The following VANGL1 variants were observed in gnomAD, a reference collection of about 807,000 sequenced individuals.
VANGL1 encodes the protein VANGL planar cell polarity protein 1, also known as vang-like protein 1.
Under a neutral mutation model 48.4 loss-of-function variants are expected in VANGL1, and 18 were observed. That is an observed-to-expected ratio of 0.37 (90% CI 0.26 to 0.55). The LOEUF (loss-of-function observed/expected upper bound fraction) is 0.55. Ranked by LOEUF, VANGL1 falls within the 20% of genes least tolerant of loss-of-function variation. The pLI is 0.81. For missense variants in VANGL1, 667 were observed against 675.8 expected (o/e 0.99, Z 0.14); for synonymous variants, 257 against 261.8 (o/e 0.98, Z 0.18).
At chr1:115,683,628 A>T (rs187886379) in intron 5 of VANGL1, among the ~76,000 whole-genome samples, 1 of 152,304 alleles carries the variant, frequency 6.6e-6, no homozygotes, top group African/African-American at 2.4e-5. Flanking sequence ...ACAGATGGTA[A>T]CATCTTCAGC....
At chr1:115,669,716 A>G (rs957042985) in intron 4 of VANGL1, among the ~76,000 whole-genome samples, 3 of 152,184 alleles carry the variant, frequency 2.0e-5, no homozygotes, top group South Asian at 2.1e-4. Context: ...CTGTGAGTCC[A>G]TTAAACCTCT....
intron 1 of VANGL1, among the ~76,000 whole-genome samples, chr1:115,645,050 A>G (rs1651865453): frequency 6.6e-6 from 1 of 152,202 alleles, no homozygotes; most frequent in African/African-American, 2.4e-5. Context: ...TTTATAGGCC[A>G]CAAGTTCAAA....
chr1:115,663,521 T>C, intron 3 of VANGL1, 140 bp from the exon 4 acceptor site: 3 of 1,178,084 alleles, frequency 2.5e-6, no homozygotes, highest in African/African-American at 3.1e-5. Context: ...GTTCTAATAT[T>C]TAAAGAGTTA....
At chr1:115,670,714 A>G (rs1054271898) in intron 4 of VANGL1, among the ~76,000 whole-genome samples, 3 of 152,172 alleles carry the variant, frequency 2.0e-5, no homozygotes, top group African/African-American at 4.8e-5. Context: ...TTAAATGACC[A>G]TCAGTGGTTT....
intron 4 of VANGL1, among the ~76,000 whole-genome samples, chr1:115,674,263 C>T (rs1200481904): frequency 6.7e-6 from 1 of 148,898 alleles, no homozygotes; most frequent in Non-Finnish European, 1.5e-5. Flanking sequence ...CGTCCCTCTT[C>T]TCCTGGTGTA....
rs890882888 is a variant in VANGL1 at position 115,696,124 on chromosome 1, T to G, written c.*4745T>G. ...CTGGCAGCCCCCCTTTGCTTTTGCC[T>G]GGCCCCACCTTCTGCTCCCACTCTG... On this transcript the variant is annotated 3_prime_UTR_variant, in exon 8 of 8. Coordinates refer to ENST00000355485, the MANE Select transcript of VANGL1 (RefSeq NM_138959.3). 1.5e-4 allele frequency: 23 copies of G among 152,788 alleles called. No individual in the cohort carries two copies. Among genetic ancestry groups the G allele is most frequent in the African/African-American group, 5.5e-4 (23 of 41,614 alleles). The allele number at this position is 152,788 out of a possible 1,614,324, so 9.5% of individuals were successfully genotyped here.
At chr1:115,662,503 CT>C (rs1652598309) in intron 3 of VANGL1, among the ~76,000 whole-genome samples, 1 of 152,200 alleles carries the variant, frequency 6.6e-6, no homozygotes, top group Non-Finnish European at 1.5e-5. Context: ...ATTCTATCAA[CT>C]GGGTTTTGCT....
At chr1:115,688,813 G>T (rs55646107) in intron 7 of VANGL1, among the ~76,000 whole-genome samples, 1 of 125,516 alleles carries the variant, frequency 8.0e-6, no homozygotes, top group African/African-American at 3.1e-5. Context: ...TCTTTGAGAC[G>T]GAGTCTCACT....
chr1:115,663,988 G>A lies in VANGL1; in HGVS notation c.532G>A (p.Asp178Asn). ...WALFFRKRRA[D>N]MPRVFVFRAL... ...ACTTTTTTTCCGCAAGCGGAGAGCT[G>A]ACATGCCACGGGTGTTTGTGTTTCG... The change falls in exon 4 of 8, where the codon GAC becomes AAC. Residue 178 changes from aspartate (D) to asparagine (N), a missense_variant. By Grantham distance (23) the Asp-to-Asn change is conservative. Transcript: ENST00000355485. The A allele has an allele frequency of 6.2e-7, 1 of 1,614,226 alleles. No individual in the cohort carries two copies. Among genetic ancestry groups the A allele is most frequent in the Non-Finnish European group, 8.5e-7 (1 of 1,180,042 alleles).
intron 4 of VANGL1, among the ~76,000 whole-genome samples, chr1:115,672,732 T>G (rs2101016072): frequency 6.6e-6 from 1 of 152,304 alleles, no homozygotes; most frequent in African/African-American, 2.4e-5. Context: ...AATGCAGCTG[T>G]GAGACAAACA....
At chr1:115,647,413 GAT>G (rs1651980369) in intron 1 of VANGL1, among the ~76,000 whole-genome samples, 1 of 152,214 alleles carries the variant, frequency 6.6e-6, no homozygotes. Flanking sequence ...CTATCTCATA[GAT>G]ATATCATTGC....
intron 4 of VANGL1, among the ~76,000 whole-genome samples, chr1:115,671,945 C>T (rs1040835134): frequency 6.6e-6 from 1 of 152,202 alleles, no homozygotes; most frequent in Admixed American, 6.5e-5. Flanking sequence ...TCAGAACTGC[C>T]ACTGGGTCGT....
chr1:115,685,632 C>G (rs1570774393), intron 7 of VANGL1, 105 bp downstream of exon 7: 2 of 1,135,960 alleles, frequency 1.8e-6, no homozygotes, highest in East Asian at 2.6e-5. Context: ...CGAAAGGCAT[C>G]TCTAAAACTC....
chr1:115,656,637 C>G (rs1287735440), intron 2 of VANGL1, among the ~76,000 whole-genome samples: 1 of 152,180 alleles, frequency 6.6e-6, no homozygotes, highest in East Asian at 1.9e-4. Flanking sequence ...ACAGATTCTT[C>G]TCTGGTTTCC....
chr1:115,645,951 T>G (rs1476287863), intron 1 of VANGL1, among the ~76,000 whole-genome samples: 1 of 152,224 alleles, frequency 6.6e-6, no homozygotes, highest in Non-Finnish European at 1.5e-5. Flanking sequence ...AATTACTTAA[T>G]AGCTCTAGGC....
In VANGL1 at chr1:115,696,895, A is replaced by G. The variant is rs1052451502; in HGVS notation, c.*5516A>G. 2.0e-5 allele frequency: 3 copies of G among 152,200 alleles called. No individual in the cohort carries two copies. Among genetic ancestry groups the G allele is most frequent in the Non-Finnish European group, 2.9e-5 (2 of 68,032 alleles). 9.4% of individuals were successfully genotyped at this position (152,200 alleles called of 1,614,324 possible). A position where few individuals can be genotyped will look rare whatever the true frequency, so the allele number is the denominator to read the frequency against. On this transcript the variant is annotated 3_prime_UTR_variant, in exon 8 of 8. Transcript: ENST00000355485. ...AAGACACTTACTTTAAGCTTTGGGG[A>G]CAAAGGTGACAAACCCCAGGCTTTT...
At chr1:115,649,831 A>G (rs1279206334) in intron 1 of VANGL1, among the ~76,000 whole-genome samples, 2 of 152,194 alleles carry the variant, frequency 1.3e-5, no homozygotes, top group East Asian at 1.9e-4. Context: ...ACAGATGAGG[A>G]AACTGAGGCA....
intron 5 of VANGL1, among the ~76,000 whole-genome samples, 189 bp from the exon 6 acceptor site, chr1:115,683,726 ATTGGGGTTTAGGGAGATTCCTCTGCTCCC>A (rs1443076722): frequency 1.1e-4 from 16 of 152,090 alleles, no homozygotes; most frequent in Non-Finnish European, 2.2e-4. Context: ...CACTGACCAG[ATTGGGGTTTAGGGAGATTCCTCTGCTCCC>A]TTGCTTTGGA....
chr1:115,683,093 C>T (rs1653451731), intron 5 of VANGL1, among the ~76,000 whole-genome samples: 1 of 152,120 alleles, frequency 6.6e-6, no homozygotes, highest in African/African-American at 2.4e-5. Flanking sequence ...ATATTTTCAA[C>T]AAGTCAAGTG....
Sources: allele counts gnomAD v4.1 joint callset (sites outside exome capture counted in the v4.1 genomes callset), GRCh38; gene constraint gnomAD v4.1.1; transcripts MANE v1.5; gene names NCBI Gene and HGNC (gene_info 2026-07-23, HGNC 2026-07-21).